Variants in RFT1 observed in about 807,000 individuals in gnomAD.
RFT1 encodes the protein RFT1 glycolipid translocator homolog.
Under a neutral mutation model 62.2 loss-of-function variants are expected in RFT1, and 43 were observed. The ratio of observed to expected loss-of-function variants is 0.69; its 90% CI spans 0.54 to 0.89. The LOEUF (loss-of-function observed/expected upper bound fraction) is 0.89. RFT1 is among the 40% of genes least tolerant of loss of function. RFT1 has a pLI of 0.00. For synonymous variants in RFT1, 262 were observed against 264.6 expected (o/e 0.99, Z 0.10); for missense variants, 605 against 649.9 (o/e 0.93, Z 0.75).
At chr3:53,107,007 G>C (rs1386178673) in intron 7 of RFT1, 138 bp from the exon 8 acceptor site, 8 of 681,742 alleles carry the variant, frequency 1.2e-5, no homozygotes, top group Non-Finnish European at 2.1e-5. Context: ...ACATGTCCTT[G>C]TCCTAATGTT....
At chr3:53,098,394 G>T (rs1202617229) in intron 11 of RFT1, among the ~76,000 whole-genome samples, 2 of 150,124 alleles carry the variant, frequency 1.3e-5, no homozygotes, top group Non-Finnish European at 2.9e-5. Context: ...CGCAGGAAAG[G>T]ACACACACAG....
intron 11 of RFT1, among the ~76,000 whole-genome samples, chr3:53,097,033 C>A (rs1247954316): frequency 6.6e-6 from 1 of 152,156 alleles, no homozygotes; most frequent in Non-Finnish European, 1.5e-5. Context: ...GTGTGAGCCA[C>A]CGTGCCCGGC....
chr3:53,108,455 T>C (rs1049162066), intron 7 of RFT1, among the ~76,000 whole-genome samples: 10 of 149,562 alleles, frequency 6.7e-5, no homozygotes, highest in Admixed American at 6.1e-4. Context: ...AGTGGCACGA[T>C]CTCGTTCACT....
chr3:53,129,646 T>C (rs1473470986), intron 1 of RFT1, among the ~76,000 whole-genome samples: 1 of 152,144 alleles, frequency 6.6e-6, no homozygotes, highest in Admixed American at 6.5e-5. Flanking sequence ...GCCTGTATCA[T>C]ACCTGACAGA....
rs1050584536 is a variant in RFT1, at chr3:53,091,608, G to T, written c.*295C>A. ...ATGTAGCTCCAAAGGCCAATCATACGCAAAAGGAATGAGTATATTAGTAAA... is the reference window on the plus strand; with the variant it reads ...ATGTAGCTCCAAAGGCCAATCATACTCAAAAGGAATGAGTATATTAGTAAA... On this transcript the variant is annotated 3_prime_UTR_variant, in exon 13 of 13. Coordinates refer to ENST00000296292, the MANE Select transcript of RFT1 (RefSeq NM_052859.4). 2.1e-5 allele frequency: 8 copies of T among 388,116 alleles called. No homozygotes were observed. Among genetic ancestry groups the T allele is most frequent in the African/African-American group, 1.4e-4 (7 of 49,116 alleles). 24.0% of individuals were successfully genotyped at this position (388,116 alleles called of 1,614,324 possible).
intron 8 of RFT1, among the ~76,000 whole-genome samples, chr3:53,106,095 T>C (rs1178843767): frequency 2.0e-5 from 3 of 151,960 alleles, no homozygotes; most frequent in African/African-American, 7.3e-5. Context: ...TAGCCAGGCG[T>C]GGTGGTGTGC....
At chr3:53,087,145 G>A (rs185044612), downstream of RFT1, among the ~76,000 whole-genome samples, 3 of 152,236 alleles carry the variant, frequency 2.0e-5, no homozygotes, top group African/African-American at 4.8e-5. Context: ...GCTGAGGCAC[G>A]AGAATTGCTT....
intron 4 of RFT1, among the ~76,000 whole-genome samples, 155 bp downstream of exon 4, chr3:53,122,219 T>C (rs112918371): frequency 3.9e-5 from 6 of 152,352 alleles, no homozygotes; most frequent in African/African-American, 1.4e-4. Flanking sequence ...AAATTTCAAG[T>C]GTAAGAACTT....
downstream of RFT1, among the ~76,000 whole-genome samples, chr3:53,083,953 T>C: frequency 6.6e-6 from 1 of 152,232 alleles, no homozygotes; most frequent in East Asian, 1.9e-4. Flanking sequence ...TTCATAAAAT[T>C]CTTGTGTTAA....
chr3:53,095,187 C>T (rs1490893588), intron 11 of RFT1, among the ~76,000 whole-genome samples: 3 of 151,958 alleles, frequency 2.0e-5, no homozygotes, highest in Middle Eastern at 3.4e-3. Context: ...TGCTTGAACC[C>T]GGGATGCGGG....
At chr3:53,085,821 G>C (rs541473984), downstream of RFT1, 3 of 152,200 alleles carry the variant, frequency 2.0e-5, no homozygotes, top group Non-Finnish European at 2.9e-5. Flanking sequence ...AATCGACTGC[G>C]CTGGAACAAG....
At chr3:53,108,214 CT>C (rs1019738383) in intron 7 of RFT1, among the ~76,000 whole-genome samples, 92 of 141,976 alleles carry the variant, frequency 6.5e-4, no homozygotes, top group Middle Eastern at 3.8e-3. Context: ...AAGCCCAGCA[CT>C]TTTTTTTTTT....
At position 53,123,797 on chromosome 3, in the gene RFT1, C is replaced by T; in HGVS notation, c.193G>A (p.Ala65Thr). 6.2e-7 allele frequency: 1 copy of T among 1,614,178 alleles called. No homozygotes were observed. Among genetic ancestry groups the T allele is most frequent in the Non-Finnish European group, 8.5e-7 (1 of 1,180,022 alleles). ...YSTTLFLARE[A>T]FRRACLSGGT... ...CCACTGAGACATGCTCTGCGGAAGG[C>T]CTCTCTGGCCAGGAAGAGGGTGGTT... Residue 65 changes from alanine to threonine, a missense_variant, in exon 3 of 13, where the codon GCC (alanine) becomes ACC (threonine). Transcript: ENST00000296292.
chr3:53,104,525 G>T (rs753470708), intron 9 of RFT1, among the ~76,000 whole-genome samples: 20 of 152,062 alleles, frequency 1.3e-4, no homozygotes, highest in Non-Finnish European at 5.9e-5. Context: ...CACTGCACCA[G>T]ACCACTAATA....
At chr3:53,102,040 A>G (rs1243440290) in intron 10 of RFT1, among the ~76,000 whole-genome samples, 2 of 142,648 alleles carry the variant, frequency 1.4e-5, no homozygotes, top group African/African-American at 5.1e-5. Flanking sequence ...TCATCTCACT[A>G]AAAAAAAAAA....
the RFT1 span, among the ~76,000 whole-genome samples, chr3:53,082,214 T>C: frequency 0.65 from 98,490 of 152,084 alleles, 32,274 homozygotes; most frequent in East Asian, 0.84. Context: ...TGGTGGCTCA[T>C]GCCTGTAATT....
intron 2 of RFT1, 63 bp downstream of exon 2, chr3:53,125,846 A>AG (rs1702093509): frequency 8.1e-7 from 1 of 1,239,846 alleles, no homozygotes. Context: ...ACAGGTACAG[A>AG]GTTTGAAGAA....
chr3:53,120,514 G>A (rs996139920), intron 5 of RFT1, among the ~76,000 whole-genome samples: 5 of 152,112 alleles, frequency 3.3e-5, no homozygotes, highest in Non-Finnish European at 7.3e-5. Context: ...TCTCCTCTTC[G>A]CCAGGGCAAG....
chr3:53,092,087 T>C lies in RFT1; in HGVS notation c.1459-17A>G, dbSNP rs917365679. 5.0e-6 allele frequency: 8 copies of C among 1,614,058 alleles called. No individual in the cohort carries two copies. The highest frequency in any genetic ancestry group is 3.3e-5 in the South Asian group (3 of 91,050). ...GAGGAATACCTGGGGAAAGAAACCA[T>C]TGTCAGTGCCTGTTCCTCAGTCTAT... On this transcript the variant is annotated splice_polypyrimidine_tract_variant and intron_variant, in intron 12 of 12. Transcript: ENST00000296292.
Sources: gnomAD v4.1 joint callset for allele counts (sites outside exome capture counted in the v4.1 genomes callset) on GRCh38, gnomAD v4.1.1 for gene constraint, MANE v1.5 for transcripts, NCBI Gene and HGNC (gene_info 2026-07-23, HGNC 2026-07-21) for gene names.